Variants in STPG2 observed in about 807,000 individuals in gnomAD.
STPG2 encodes sperm-tail PG-rich repeat-containing protein 2.
In STPG2, 56 loss-of-function variants were observed where a neutral mutation model predicts 54.2. The ratio of observed to expected loss-of-function variants is 1.03; its 90% confidence interval spans 0.83 to 1.29. STPG2 has a LOEUF of 1.29. Among genes scored for constraint, STPG2 ranks in the 50% most tolerant of loss-of-function variants. The probability of loss-of-function intolerance (pLI) is 0.00; values close to 1 mark genes in which losing one functional copy is unlikely to be tolerated. For synonymous variants in STPG2, 200 were observed against 181.8 expected (o/e 1.10, Z -0.81); for missense variants, 596 against 544.9 (o/e 1.09, Z -0.93).
chr4:98,115,732 A>T (rs1440344708), intron 3 of STPG2, among the ~76,000 whole-genome samples: 1 of 152,042 alleles, frequency 6.6e-6, no homozygotes, highest in African/African-American at 2.4e-5. Context: ...TTCAGATAAG[A>T]TTTGAATTAA....
intron 10 of STPG2, among the ~76,000 whole-genome samples, chr4:97,643,270 T>C (rs1448942974): frequency 6.6e-6 from 1 of 151,646 alleles, no homozygotes; most frequent in Non-Finnish European, 1.5e-5. Flanking sequence ...ATCTCCATTT[T>C]CTAACAGGCT....
At position 97,943,900 on chromosome 4, in the gene STPG2, A is replaced by T. The variant is rs763961371; in HGVS notation, c.1041T>A (p.Asp347Glu). 3 of 1,565,174 alleles carry T rather than the reference A, an allele frequency of 1.9e-6. No individual in the cohort carries two copies. The highest frequency in any genetic ancestry group is 2.0e-5 in the Admixed American group (1 of 49,730). ...SRAKRTMKVP[D>E]MVIPAPGSYD... Reference sequence around the variant, plus strand: ...TTGATTGTAGGAGTATTCTTACCATATCTGGTACTTTCATAGTTCTTTTGG... The same window carrying T: ...TTGATTGTAGGAGTATTCTTACCATTTCTGGTACTTTCATAGTTCTTTTGG... Residue 347 changes from aspartate to glutamate, a missense_variant, in exon 8 of 11, where the codon GAT (aspartate) becomes GAA (glutamate). Transcript: ENST00000295268.
chr4:97,705,606 G>A (rs1474100369), intron 10 of STPG2, among the ~76,000 whole-genome samples: 13 of 152,000 alleles, frequency 8.6e-5, no homozygotes, highest in Admixed American at 8.5e-4. Flanking sequence ...GATTACAGGT[G>A]TGAGCCACTG....
intron 4 of STPG2, among the ~76,000 whole-genome samples, chr4:97,444,301 T>A (rs1232576441): frequency 6.6e-6 from 1 of 152,064 alleles, no homozygotes; most frequent in Non-Finnish European, 1.5e-5. Context: ...ATCCAGAGTA[T>A]TAACAAACAC....
intron 10 of STPG2, among the ~76,000 whole-genome samples, chr4:97,617,401 T>C (rs976244088): frequency 6.6e-6 from 1 of 152,136 alleles, no homozygotes; most frequent in Non-Finnish European, 1.5e-5. Context: ...AAGTTTAAGG[T>C]TCAGAATTAG....
intron 10 of STPG2, among the ~76,000 whole-genome samples, chr4:97,681,083 A>T (rs971257617): frequency 6.6e-6 from 1 of 151,962 alleles, no homozygotes; most frequent in Non-Finnish European, 1.5e-5. Flanking sequence ...TTCAATTCAA[A>T]CTGCATATGT....
chr4:97,900,902 C>A (rs1010565105), intron 8 of STPG2, among the ~76,000 whole-genome samples: 2 of 151,974 alleles, frequency 1.3e-5, no homozygotes, highest in Non-Finnish European at 2.9e-5. Context: ...AACAAACCTT[C>A]ATATGTATCC....
intron 9 of STPG2, among the ~76,000 whole-genome samples, chr4:97,721,177 T>C (rs1180333497): frequency 6.6e-6 from 1 of 152,114 alleles, no homozygotes; most frequent in Non-Finnish European, 1.5e-5. Context: ...TTTTTGCTAG[T>C]AACAGAAATC....
At chr4:97,621,712 G>C (rs1200817132) in intron 10 of STPG2, among the ~76,000 whole-genome samples, 1 of 152,056 alleles carries the variant, frequency 6.6e-6, no homozygotes, top group Non-Finnish European at 1.5e-5. Context: ...AGAAGAGCTG[G>C]TATCATTCCT....
At chr4:97,495,708 G>C (rs989761290) in intron 4 of STPG2, among the ~76,000 whole-genome samples, 14 of 19,386 alleles carry the variant, frequency 7.2e-4, no homozygotes, top group African/African-American at 3.5e-3. Context: ...GGATGGTCAA[G>C]ACAAAAAAAA....
At chr4:97,932,205 A>G (rs749495780) in intron 8 of STPG2, among the ~76,000 whole-genome samples, 1 of 151,844 alleles carries the variant, frequency 6.6e-6, no homozygotes, top group Non-Finnish European at 1.5e-5. Flanking sequence ...GGATTCTTTG[A>G]TCTTTTGAAT....
At chr4:98,111,745 C>T (rs1442607051) in intron 3 of STPG2, among the ~76,000 whole-genome samples, 2 of 152,070 alleles carry the variant, frequency 1.3e-5, no homozygotes, top group Non-Finnish European at 2.9e-5. Flanking sequence ...AATAGATAGG[C>T]ATTTGAATCA....
At chr4:97,622,162 C>A (rs1371015013) in intron 10 of STPG2, among the ~76,000 whole-genome samples, 1 of 152,148 alleles carries the variant, frequency 6.6e-6, no homozygotes, top group Non-Finnish European at 1.5e-5. Context: ...AAACTCACAG[C>A]CAACATCATA....
At chr4:97,499,815 G>A (rs538229990) in intron 4 of STPG2, among the ~76,000 whole-genome samples, 31 of 152,096 alleles carry the variant, frequency 2.0e-4, no homozygotes, top group African/African-American at 6.5e-4. Flanking sequence ...AAGGGCAGGC[G>A]TGAGAAACAG....
intron 9 of STPG2, among the ~76,000 whole-genome samples, chr4:97,795,403 G>A (rs1560531104): frequency 6.6e-6 from 1 of 152,116 alleles, no homozygotes; most frequent in Non-Finnish European, 1.5e-5. Context: ...GTGTCCAAGT[G>A]TTCTCATTGT....
At position 97,944,020 on chromosome 4, in the gene STPG2, G is replaced by A. The variant is rs1733104529; in HGVS notation, c.934-13C>T. On this transcript the variant is annotated splice_polypyrimidine_tract_variant and intron_variant, in intron 7 of 10. Transcript: ENST00000295268. ...AATGCCAAAATTCCTGTTGAAAGAA[G>A]GGGTTAAAAAGAGTACATCATTTAT... The A allele has an allele frequency of 1.3e-6, 2 of 1,566,140 alleles. No homozygotes were observed. Among genetic ancestry groups the A allele is most frequent in the Non-Finnish European group, 1.8e-6 (2 of 1,139,656 alleles).
intron 4 of STPG2, among the ~76,000 whole-genome samples, chr4:97,493,217 G>A (rs1023528926): frequency 2.3e-4 from 35 of 150,870 alleles, no homozygotes; most frequent in African/African-American, 8.3e-4. Context: ...GAATAACACT[G>A]GTAAGACCCT....
At chr4:98,129,457 T>C (rs370037219) in intron 2 of STPG2, among the ~76,000 whole-genome samples, 6 of 146,556 alleles carry the variant, frequency 4.1e-5, no homozygotes, top group African/African-American at 1.5e-4. Context: ...AATATAAAAG[T>C]GAACTATGAA....
intron 5 of STPG2, among the ~76,000 whole-genome samples, chr4:98,020,864 A>T (rs192808903): frequency 0.076 from 11,538 of 151,992 alleles, 487 homozygotes; most frequent in African/African-American, 0.1. Flanking sequence ...TGGTGGTGAT[A>T]TCCCCTTTAT....
Sources: gnomAD v4.1 joint callset for allele counts (sites outside exome capture counted in the v4.1 genomes callset) on GRCh38, gnomAD v4.1.1 for gene constraint, MANE v1.5 for transcripts, NCBI Gene and HGNC (gene_info 2026-07-23, HGNC 2026-07-21) for gene names.